Variants in PPP3CC observed in about 807,000 individuals in gnomAD.
The protein encoded by PPP3CC is protein phosphatase 3 catalytic subunit gamma, also known as serine/threonine-protein phosphatase 2B catalytic subunit gamma isoform.
A neutral mutation model predicts 60.3 loss-of-function variants in PPP3CC; 35 were observed. The observed-to-expected ratio is 0.58, with a 90% CI of 0.44 to 0.77. The LOEUF (loss-of-function observed/expected upper bound fraction) is 0.77. Among genes scored for constraint, PPP3CC ranks in the 30% least tolerant of loss-of-function variants. PPP3CC has a pLI of 0.00. For missense variants in PPP3CC, 570 were observed against 628.9 expected (o/e 0.91, Z 1.00); for synonymous variants, 206 against 224.3 (o/e 0.92, Z 0.73).
At chr8:22,488,233 A>G (rs1336429483) in intron 3 of PPP3CC, among the ~76,000 whole-genome samples, 3 of 152,230 alleles carry the variant, frequency 2.0e-5, no homozygotes, top group Non-Finnish European at 4.4e-5. Context: ...TTTCCTTGGA[A>G]TATTTTGTGA....
chr8:22,513,819 A>T (rs1839161210), intron 6 of PPP3CC, among the ~76,000 whole-genome samples: 2 of 152,224 alleles, frequency 1.3e-5, no homozygotes, highest in Admixed American at 6.5e-5. Context: ...AAAGCTCTCC[A>T]AATTTTGTAA....
chr8:22,502,647 C>T (rs1349496879), intron 4 of PPP3CC, among the ~76,000 whole-genome samples: 2 of 152,172 alleles, frequency 1.3e-5, no homozygotes, highest in African/African-American at 2.4e-5. Context: ...ATGATCACCA[C>T]ACTCCAGCCT....
chr8:22,520,476 C>T (rs116911631), intron 6 of PPP3CC, among the ~76,000 whole-genome samples: 1,755 of 152,238 alleles, frequency 0.012, 23 homozygotes, highest in South Asian at 0.044. Context: ...TCCCATAAGT[C>T]CTGTATACTT....
At chr8:22,467,191 A>AT (rs1220518838) in intron 1 of PPP3CC, among the ~76,000 whole-genome samples, 3 of 152,216 alleles carry the variant, frequency 2.0e-5, no homozygotes, top group Non-Finnish European at 2.9e-5. Context: ...CTAGGAGAAA[A>AT]TAAAAAAAAA....
At chr8:22,522,028 C>A (rs989039919) in intron 6 of PPP3CC, among the ~76,000 whole-genome samples, 7 of 149,192 alleles carry the variant, frequency 4.7e-5, no homozygotes, top group Non-Finnish European at 8.9e-5. Context: ...ATAATATTAT[C>A]TTGGTGTTTA....
chr8:22,503,601 G>C (rs1158867202), intron 4 of PPP3CC, among the ~76,000 whole-genome samples: 1 of 152,024 alleles, frequency 6.6e-6, no homozygotes, highest in Non-Finnish European at 1.5e-5. Flanking sequence ...TTTGATACAG[G>C]GATGCAATGT....
chr8:22,507,868 A>G (rs774486840), intron 4 of PPP3CC, among the ~76,000 whole-genome samples: 2 of 152,194 alleles, frequency 1.3e-5, no homozygotes, highest in Non-Finnish European at 2.9e-5. Context: ...AACAAGTTCC[A>G]GACTCCATTC....
At chr8:22,519,894 G>A (rs1839358903) in intron 6 of PPP3CC, among the ~76,000 whole-genome samples, 1 of 151,320 alleles carries the variant, frequency 6.6e-6, no homozygotes, top group African/African-American at 2.4e-5. Flanking sequence ...GGCCTCAAGT[G>A]ATCTGCCTTC....
intron 4 of PPP3CC, among the ~76,000 whole-genome samples, chr8:22,505,837 T>C (rs1586843589): frequency 6.6e-6 from 1 of 151,728 alleles, no homozygotes; most frequent in Non-Finnish European, 1.5e-5. Flanking sequence ...GAATTCAGTC[T>C]CAACTATTAA....
intron 1 of PPP3CC, among the ~76,000 whole-genome samples, chr8:22,462,772 T>C (rs945634839): frequency 6.6e-6 from 1 of 152,118 alleles, no homozygotes; most frequent in Non-Finnish European, 1.5e-5. Context: ...GGTTTCACCA[T>C]GTTAGCCAGG....
At chr8:22,482,457 G>A (rs1242046424) in intron 3 of PPP3CC, among the ~76,000 whole-genome samples, 1 of 151,982 alleles carries the variant, frequency 6.6e-6, no homozygotes, top group Non-Finnish European at 1.5e-5. Context: ...TGGATAGATT[G>A]CAAAAATTTT....
intron 13 of PPP3CC, among the ~76,000 whole-genome samples, chr8:22,540,257 C>G (rs1397445636): frequency 6.6e-6 from 1 of 151,958 alleles, no homozygotes; most frequent in East Asian, 1.9e-4. Context: ...CTAGTGTTGC[C>G]TTTGTTCTAG....
intron 3 of PPP3CC, among the ~76,000 whole-genome samples, chr8:22,477,094 AGGT>A (rs1320428704): frequency 6.6e-6 from 1 of 152,186 alleles, no homozygotes; most frequent in Non-Finnish European, 1.5e-5. Flanking sequence ...TACTGGGAAT[AGGT>A]GGAGATTATC....
At chr8:22,446,063 T>G (rs1391046107) in intron 1 of PPP3CC, among the ~76,000 whole-genome samples, 1 of 152,254 alleles carries the variant, frequency 6.6e-6, no homozygotes, top group Non-Finnish European at 1.5e-5. Flanking sequence ...TTTTATTGCA[T>G]TTTAAAATAG....
At chr8:22,489,933 T>G (rs1241457281) in intron 3 of PPP3CC, among the ~76,000 whole-genome samples, 2 of 151,246 alleles carry the variant, frequency 1.3e-5, no homozygotes, top group Non-Finnish European at 2.9e-5. Context: ...GCAATTCTCC[T>G]GCCTCAGCCT....
intron 4 of PPP3CC, among the ~76,000 whole-genome samples, chr8:22,503,002 G>A (rs962726829): frequency 2.0e-5 from 3 of 151,982 alleles, no homozygotes; most frequent in East Asian, 1.9e-4. Context: ...ATGCCATCGC[G>A]CATGGCTTAC....
At chr8:22,442,348 G>T (rs1388520728) in intron 1 of PPP3CC, among the ~76,000 whole-genome samples, 1 of 152,206 alleles carries the variant, frequency 6.6e-6, no homozygotes, top group Non-Finnish European at 1.5e-5. Context: ...GGATGCAGGG[G>T]TTAGCGTGAC....
intron 1 of PPP3CC, among the ~76,000 whole-genome samples, chr8:22,471,405 G>A (rs1309927183): frequency 6.6e-6 from 1 of 150,410 alleles, no homozygotes; most frequent in Admixed American, 6.7e-5. Context: ...AGATGACTTT[G>A]TCATTGTGAG....
At chr8:22,458,453 C>T (rs914765819) in intron 1 of PPP3CC, among the ~76,000 whole-genome samples, 12 of 152,042 alleles carry the variant, frequency 7.9e-5, no homozygotes, top group African/African-American at 2.9e-4. Context: ...CAAAAATTAG[C>T]TGGCCGTGGT....
Sources: gnomAD v4.1 joint callset for allele counts (sites outside exome capture counted in the v4.1 genomes callset) on GRCh38, gnomAD v4.1.1 for gene constraint, MANE v1.5 for transcripts, NCBI Gene and HGNC (gene_info 2026-07-23, HGNC 2026-07-21) for gene names.